Variants in PCDHGB1 observed in about 807,000 individuals in gnomAD.
PCDHGB1 encodes protocadherin gamma-B1.
PCDHGB1 carries 34 observed loss-of-function variants against 56.6 expected under a neutral mutation model. That is an observed-to-expected ratio of 0.60 (90% CI 0.46 to 0.80). PCDHGB1 has a LOEUF of 0.80. Among genes scored for constraint, PCDHGB1 ranks in the 30% least tolerant of loss-of-function variants. The pLI is 0.00. For synonymous variants in PCDHGB1, 561 were observed against 505.9 expected (o/e 1.11, Z -1.46); for missense variants, 1,278 against 1,204.6 (o/e 1.06, Z -0.90).
intron 1 of PCDHGB1, chr5:141,357,469 G>C: frequency 6.2e-7 from 1 of 1,614,176 alleles, no homozygotes; most frequent in African/African-American, 1.3e-5. Flanking sequence ...TTCCCACGAG[G>C]TCTCCCTCAC....
chr5:141,492,859 C>T (rs966216924), intron 1 of PCDHGB1, among the ~76,000 whole-genome samples: 1 of 152,232 alleles, frequency 6.6e-6, no homozygotes, highest in Non-Finnish European at 1.5e-5. Flanking sequence ...CTCGAGCGCC[C>T]TGGCTCTCAA....
intron 1 of PCDHGB1, chr5:141,394,510 C>A (rs371348730): frequency 3.1e-6 from 5 of 1,614,216 alleles, no homozygotes; most frequent in Non-Finnish European, 3.4e-6. Context: ...CTGTACCCCG[C>A]CCTCCCCACA....
chr5:141,499,260 G>T (rs2099790657), intron 2 of PCDHGB1, among the ~76,000 whole-genome samples: 1 of 152,028 alleles, frequency 6.6e-6, no homozygotes, highest in African/African-American at 2.4e-5. Context: ...GTCTCCATTT[G>T]GTCCCTAGAC....
intron 1 of PCDHGB1, chr5:141,422,347 G>A (rs1456770985): frequency 3.9e-6 from 6 of 1,553,980 alleles, no homozygotes; most frequent in Non-Finnish European, 5.2e-6. Context: ...AAATGTGCAA[G>A]ATCAAGATTC....
chr5:141,384,914 T>C, intron 1 of PCDHGB1: 1 of 1,613,988 alleles, frequency 6.2e-7, no homozygotes, highest in Non-Finnish European at 8.5e-7. Flanking sequence ...CCCGAAGTCT[T>C]GGCCGACCTG....
intron 1 of PCDHGB1, chr5:141,384,230 A>G (rs771827146): frequency 1.2e-6 from 2 of 1,613,916 alleles, no homozygotes; most frequent in Admixed American, 3.3e-5. Flanking sequence ...CAGGTGGCAG[A>G]CACCAACGAT....
rs1186225096 is a variant in PCDHGB1, at chr5:141,490,605, C to G, written c.2410-4202C>G. The G allele has an allele frequency of 1.1e-5, 18 of 1,614,198 alleles. No homozygotes were observed. Among genetic ancestry groups the G allele is most frequent in the Non-Finnish European group, 1.5e-5 (18 of 1,180,030 alleles). On this transcript the variant is annotated intron_variant, in intron 1 of 3. Transcript: ENST00000523390. The surrounding 1 kb of genome is among the most constrained non-coding windows in gnomAD (Gnocchi z 5.4). ...TCAATGACAATGCACCCCGCTTCAACCAGCAGCTTTACACTGCTTACATCC... is the reference window on the plus strand; with the variant it reads ...TCAATGACAATGCACCCCGCTTCAAGCAGCAGCTTTACACTGCTTACATCC...
chr5:141,381,768 C>T (rs1777418616), intron 1 of PCDHGB1, among the ~76,000 whole-genome samples: 1 of 150,172 alleles, frequency 6.7e-6, no homozygotes, highest in Non-Finnish European at 1.5e-5. Context: ...ACTATATAAT[C>T]AATAATCAGG....
intron 1 of PCDHGB1, chr5:141,414,036 A>G: frequency 6.2e-7 from 1 of 1,612,018 alleles, no homozygotes; most frequent in South Asian, 1.1e-5. Context: ...CATTCCGAAA[A>G]TTACCTGACA....
At position 141,436,830 on chromosome 5, in the gene PCDHGB1, T is replaced by C. The variant is rs1054296892; in HGVS notation, c.2410-57977T>C. On this transcript the variant is annotated intron_variant, in intron 1 of 3. Coordinates refer to ENST00000523390, the MANE Select transcript of PCDHGB1 (RefSeq NM_018922.3). ...TGACAGCTGGTTTAAAAATCTTAAGTGCCTAGGCACATTCTTGATTGAGAA... is the reference window on the plus strand; with the variant it reads ...TGACAGCTGGTTTAAAAATCTTAAGCGCCTAGGCACATTCTTGATTGAGAA... Among the ~76,000 whole-genome samples, 37 of 152,252 alleles carry C rather than the reference T, an allele frequency of 2.4e-4. 1 individual carries two copies.
At chr5:141,365,169 C>T in intron 1 of PCDHGB1, 1 of 1,613,926 alleles carries the variant, frequency 6.2e-7, no homozygotes, top group Non-Finnish European at 8.5e-7. Flanking sequence ...TTGACCTACT[C>T]TTTTCGCAAT....
intron 1 of PCDHGB1, chr5:141,426,946 C>A (rs565370434): frequency 2.2e-6 from 1 of 456,786 alleles, no homozygotes; most frequent in South Asian, 1.5e-5. Flanking sequence ...CCAGTCCCAA[C>A]TGGCACTGCT....
intron 1 of PCDHGB1, among the ~76,000 whole-genome samples, chr5:141,397,737 C>T (rs2093564219): frequency 6.6e-6 from 1 of 152,164 alleles, no homozygotes. Flanking sequence ...GAGAAAGATA[C>T]CTTAAAGAAG....
Position 141,415,384 on chromosome 5 carries a change from A to G in PCDHGB1, c.2409+62715A>G, listed in dbSNP as rs767664633. ...GCTGCAGGCTTCAGGAGGCGGCTTG[A>G]CAGGTGTGTCCGGCTCGCACTTTGT... On this transcript the variant is annotated intron_variant, in intron 1 of 3. Coordinates refer to ENST00000523390, the MANE Select transcript of PCDHGB1 (RefSeq NM_018922.3). 9.3e-6 allele frequency: 15 copies of G among 1,614,156 alleles called. No homozygotes were observed. The East Asian group carries it at 2.2e-4, about 24-fold the overall frequency.
intron 1 of PCDHGB1, chr5:141,366,035 A>G (rs1376798925): frequency 1.2e-6 from 2 of 1,614,210 alleles, no homozygotes; most frequent in Admixed American, 1.7e-5. Flanking sequence ...CGCCCTCCCC[A>G]CAGACGGTTC....
chr5:141,482,503 C>A (rs375429072), intron 1 of PCDHGB1, among the ~76,000 whole-genome samples: 2 of 136,154 alleles, frequency 1.5e-5, no homozygotes, highest in South Asian at 4.4e-4. Context: ...CATTCTGGTA[C>A]CCAGAGTACA....
At chr5:141,412,067 G>A (rs1428018643) in intron 1 of PCDHGB1, 2 of 152,170 alleles carry the variant, frequency 1.3e-5, no homozygotes, top group Non-Finnish European at 2.9e-5. Context: ...TTGCATTTGA[G>A]GGAACAATTG....
At chr5:141,357,884 C>A (rs545523934) in intron 1 of PCDHGB1, among the ~76,000 whole-genome samples, 2 of 152,194 alleles carry the variant, frequency 1.3e-5, no homozygotes, top group Non-Finnish European at 2.9e-5. Context: ...TGAGCCACCT[C>A]ATTTCCTTAA....
chr5:141,487,889 T>C lies in PCDHGB1; in HGVS notation c.2410-6918T>C, dbSNP rs984668596. On this transcript the variant is annotated intron_variant, in intron 1 of 3. Transcript: ENST00000523390. The surrounding 1 kb of genome is among the most constrained non-coding windows in gnomAD (Gnocchi z 5.0). ...CAAGAGCCAGGCTGTTGTGGAAGCA[T>C]GATGATGGAATGTGGGAGCACAGGA... 6.7e-6 allele frequency: 5 copies of C among 747,180 alleles called. No homozygotes were observed. The highest frequency in any genetic ancestry group is 1.1e-5 in the Non-Finnish European group (5 of 464,054). The allele number at this position is 747,180 out of a possible 1,614,324, so 46.3% of individuals were successfully genotyped here. A position where few individuals can be genotyped will look rare whatever the true frequency, so the allele number is the denominator to read the frequency against.
Sources: allele counts gnomAD v4.1 joint callset (sites outside exome capture counted in the v4.1 genomes callset), GRCh38; gene constraint gnomAD v4.1.1; non-coding constraint Gnocchi (gnomAD v3.1); transcripts MANE v1.5; gene names NCBI Gene and HGNC (gene_info 2026-07-23, HGNC 2026-07-21).